Variants in GRIK1 observed in about 807,000 individuals in gnomAD.
GRIK1 encodes glutamate ionotropic receptor kainate type subunit 1, also known as glutamate receptor ionotropic, kainate 1.
Under a neutral mutation model 105.7 loss-of-function variants are expected in GRIK1, and 69 were observed. That is an observed-to-expected ratio of 0.65 (90% CI 0.54 to 0.80). The LOEUF is 0.80. Ranked by LOEUF, GRIK1 falls within the 30% of genes least tolerant of loss-of-function variation. The probability of loss-of-function intolerance (pLI) is 0.00; values close to 1 mark genes in which losing one functional copy is unlikely to be tolerated. For synonymous variants in GRIK1, 438 were observed against 431.3 expected, an observed-to-expected ratio of 1.02 and a Z score of -0.19; for missense variants, 1,109 against 1,167.3, an observed-to-expected ratio of 0.95 and a Z score of 0.73.
intron 1 of GRIK1, among the ~76,000 whole-genome samples, chr21:29,750,056 C>A (rs953889526): frequency 6.6e-6 from 1 of 151,562 alleles, no homozygotes; most frequent in Non-Finnish European, 1.5e-5. Context: ...GGACAAGAAC[C>A]AACAAACTAT....
At chr21:29,774,775 T>C (rs773196769) in intron 1 of GRIK1, among the ~76,000 whole-genome samples, 2 of 152,144 alleles carry the variant, frequency 1.3e-5, no homozygotes, top group Non-Finnish European at 2.9e-5. Context: ...CCTCTTTTTC[T>C]AAGTTGAGGT....
intron 2 of GRIK1, among the ~76,000 whole-genome samples, chr21:29,693,659 T>G (rs2063629050): frequency 6.6e-6 from 1 of 152,090 alleles, no homozygotes. Flanking sequence ...AGCTAGTTAA[T>G]CATAGAGTGG....
intron 1 of GRIK1, among the ~76,000 whole-genome samples, chr21:29,820,185 G>T (rs1197430631): frequency 1.3e-5 from 2 of 152,030 alleles, no homozygotes; most frequent in African/African-American, 2.4e-5. Flanking sequence ...TTATTATCCA[G>T]TTAATCCTTG....
intron 7 of GRIK1, among the ~76,000 whole-genome samples, chr21:29,620,726 T>C (rs1270647476): frequency 6.8e-6 from 1 of 146,426 alleles, no homozygotes; most frequent in Admixed American, 6.8e-5. Flanking sequence ...CAGGATGTGT[T>C]TTACCTTCTT....
At chr21:29,720,870 G>C (rs1332004460) in intron 1 of GRIK1, among the ~76,000 whole-genome samples, 3 of 151,994 alleles carry the variant, frequency 2.0e-5, no homozygotes, top group African/African-American at 7.3e-5. Flanking sequence ...TCACCACAAA[G>C]AGCCTCCTTT....
chr21:29,718,158 T>C (rs1366538599), intron 1 of GRIK1, among the ~76,000 whole-genome samples: 1 of 152,198 alleles, frequency 6.6e-6, no homozygotes, highest in Non-Finnish European at 1.5e-5. Context: ...ATCTCTTTTT[T>C]ATAAATTACT....
chr21:29,668,455 G>T (rs1046100818), intron 4 of GRIK1, among the ~76,000 whole-genome samples: 1 of 152,178 alleles, frequency 6.6e-6, no homozygotes, highest in Non-Finnish European at 1.5e-5. Flanking sequence ...GGGGAGAAAA[G>T]GCTGTGTCAC....
intron 5 of GRIK1, among the ~76,000 whole-genome samples, chr21:29,653,181 G>A (rs1273808538): frequency 6.6e-6 from 1 of 152,178 alleles, no homozygotes; most frequent in Non-Finnish European, 1.5e-5. Flanking sequence ...AGGCAAAAAT[G>A]AGTCCGGTAG....
intron 7 of GRIK1, among the ~76,000 whole-genome samples, chr21:29,637,048 C>A (rs1378249603): frequency 6.6e-6 from 1 of 152,162 alleles, no homozygotes; most frequent in Non-Finnish European, 1.5e-5. Context: ...AATTCAGGCA[C>A]CTTGAATGTG....
At chr21:29,589,538 C>G (rs946104573) in intron 10 of GRIK1, among the ~76,000 whole-genome samples, 6 of 151,628 alleles carry the variant, frequency 4.0e-5, no homozygotes, top group African/African-American at 1.2e-4. Flanking sequence ...TCTCCTTTCT[C>G]AGCTTCTTGA....
At chr21:29,549,698 G>A (rs1370051806) in intron 16 of GRIK1, among the ~76,000 whole-genome samples, 1 of 152,018 alleles carries the variant, frequency 6.6e-6, no homozygotes, top group Non-Finnish European at 1.5e-5. Context: ...TCATATTCAA[G>A]TCTTTTGTTC....
chr21:29,606,045 C>T (rs2061608604), intron 7 of GRIK1, among the ~76,000 whole-genome samples: 1 of 149,072 alleles, frequency 6.7e-6, no homozygotes, highest in South Asian at 2.1e-4. Flanking sequence ...GATTGTGTGA[C>T]CTTCTTTGTC....
intron 1 of GRIK1, among the ~76,000 whole-genome samples, chr21:29,820,219 T>G (rs770549629): frequency 1.3e-5 from 2 of 152,100 alleles, no homozygotes; most frequent in Non-Finnish European, 2.9e-5. Flanking sequence ...TCTCACTGTT[T>G]CCATTTTTTT....
At chr21:29,725,004 AC>A (rs2064417577) in intron 1 of GRIK1, among the ~76,000 whole-genome samples, 2 of 132,924 alleles carry the variant, frequency 1.5e-5, no homozygotes, top group Admixed American at 7.5e-5. Flanking sequence ...TCCCTTTGCC[AC>A]CTAAAAAAAA....
rs560152882 is a variant in GRIK1, at chr21:29,778,929, T to C, written c.119-84866A>G. Among the ~76,000 whole-genome samples, 124 of 152,298 alleles carry C rather than the reference T, an allele frequency of 8.1e-4. 1 individual carries two copies. Among genetic ancestry groups the C allele is most frequent in the African/African-American group, 2.7e-3 (113 of 41,576 alleles). ...AGAGGGCTTTTCGAAAAAAAGGGAA[T>C]TATACTAATTCAAAATGATTTGGGA... On this transcript the variant is annotated intron_variant, in intron 1 of 17. Transcript: ENST00000327783.
chr21:29,867,693 C>T (rs147048260), intron 1 of GRIK1, among the ~76,000 whole-genome samples: 26 of 152,158 alleles, frequency 1.7e-4, no homozygotes, highest in African/African-American at 6.0e-4. Flanking sequence ...ACTTGGGAAG[C>T]TGAGGCAGGA....
chr21:29,754,328 T>A lies in GRIK1; in HGVS notation c.119-60265A>T, dbSNP rs561404465. ...GGAGATCGATGCTTACACATATGCGTCATGCCTACAAAGACTGAGGTCCCA... is the reference window on the plus strand; with the variant it reads ...GGAGATCGATGCTTACACATATGCGACATGCCTACAAAGACTGAGGTCCCA... On this transcript the variant is annotated intron_variant, in intron 1 of 17. Coordinates refer to ENST00000327783, the MANE Select transcript of GRIK1 (RefSeq NM_001330994.2). Among the ~76,000 whole-genome samples the A allele has an allele frequency of 2.0e-5, 3 of 152,142 alleles. No individual in the cohort carries two copies. In the East Asian group the frequency reaches 5.8e-4, roughly 29 times the overall value.
At chr21:29,778,535 C>A (rs1484715897) in intron 1 of GRIK1, among the ~76,000 whole-genome samples, 2 of 152,110 alleles carry the variant, frequency 1.3e-5, no homozygotes, top group Non-Finnish European at 2.9e-5. Flanking sequence ...TGTCTCTTAT[C>A]AGAACTTTTC....
chr21:29,676,039 TTAA>T (rs1363238541), intron 3 of GRIK1, among the ~76,000 whole-genome samples: 1 of 152,212 alleles, frequency 6.6e-6, no homozygotes, highest in Non-Finnish European at 1.5e-5. Context: ...CACTAGGCCG[TTAA>T]TAAACACACA....
Sources: gnomAD v4.1 joint callset for allele counts (sites outside exome capture counted in the v4.1 genomes callset) on GRCh38, gnomAD v4.1.1 for gene constraint, MANE v1.5 for transcripts, NCBI Gene and HGNC (gene_info 2026-07-23, HGNC 2026-07-21) for gene names.